SNCAIP: variants seen among roughly 807,000 people sequenced by gnomAD.
The protein encoded by SNCAIP is synphilin-1.
SNCAIP carries 43 observed loss-of-function variants against 86.7 expected under a neutral mutation model. That is an observed-to-expected ratio of 0.50 (90% CI 0.39 to 0.64). The LOEUF (loss-of-function observed/expected upper bound fraction) is 0.64, where lower values mean the gene tolerates loss of function less well. Among genes scored for constraint, SNCAIP ranks in the 30% least tolerant of loss-of-function variants. The probability of loss-of-function intolerance (pLI) is 0.00; values close to 1 mark genes in which losing one functional copy is unlikely to be tolerated. For synonymous variants in SNCAIP, 417 were observed against 427.2 expected, an observed-to-expected ratio of 0.98 and a Z score of 0.29; for missense variants, 981 against 1,103.1, an observed-to-expected ratio of 0.89 and a Z score of 1.57.
intron 3 of SNCAIP, among the ~76,000 whole-genome samples, chr5:122,411,539 A>G (rs3811909): frequency 0.29 from 43,364 of 151,792 alleles, 7,167 homozygotes; most frequent in East Asian, 0.45. Flanking sequence ...TTTTATCCAC[A>G]TATCTCCTTT....
chr5:122,385,100 G>T (rs951806643), intron 1 of SNCAIP, among the ~76,000 whole-genome samples: 1 of 152,096 alleles, frequency 6.6e-6, no homozygotes, highest in Non-Finnish European at 1.5e-5. Context: ...GCTGACTTCT[G>T]TTATCTCCAA....
intron 1 of SNCAIP, among the ~76,000 whole-genome samples, chr5:122,387,290 C>T (rs1338990968): frequency 6.6e-6 from 1 of 152,016 alleles, no homozygotes; most frequent in African/African-American, 2.4e-5. Flanking sequence ...TCCCGAATAG[C>T]TGGGACTACA....
At chr5:122,415,175 G>C (rs547643176) in intron 3 of SNCAIP, among the ~76,000 whole-genome samples, 1 of 152,198 alleles carries the variant, frequency 6.6e-6, no homozygotes, top group African/African-American at 2.4e-5. Flanking sequence ...ACTTTCCGCT[G>C]TTCCTCCCAC....
At chr5:122,458,072 A>G (rs1785209280) in intron 10 of SNCAIP, among the ~76,000 whole-genome samples, 1 of 152,216 alleles carries the variant, frequency 6.6e-6, no homozygotes, top group South Asian at 2.1e-4. Flanking sequence ...AGCAGATTGC[A>G]CCACAAGAAG....
At chr5:122,455,340 G>A (rs1010955253) in intron 10 of SNCAIP, among the ~76,000 whole-genome samples, 1 of 152,158 alleles carries the variant, frequency 6.6e-6, no homozygotes, top group Non-Finnish European at 1.5e-5. Flanking sequence ...GACTAGAGTG[G>A]GAATGTGGGC....
At chr5:122,340,062 A>G (rs2152718550) in intron 1 of SNCAIP, among the ~76,000 whole-genome samples, 1 of 152,336 alleles carries the variant, frequency 6.6e-6, no homozygotes, top group Non-Finnish European at 1.5e-5. Context: ...ACAATATGTT[A>G]TAGTCATCAG....
chr5:122,387,920 T>G (rs1418177755), intron 1 of SNCAIP, among the ~76,000 whole-genome samples: 1 of 152,218 alleles, frequency 6.6e-6, no homozygotes, highest in Non-Finnish European at 1.5e-5. Context: ...GAATACAAAT[T>G]AAATCTTAGA....
chr5:122,439,831 C>A (rs1373998119), intron 6 of SNCAIP, among the ~76,000 whole-genome samples: 1 of 152,122 alleles, frequency 6.6e-6, no homozygotes, highest in African/African-American at 2.4e-5. Context: ...GAAATCCCAT[C>A]CCCCTGCTTT....
chr5:122,436,213 A>T (rs962705905), intron 6 of SNCAIP, among the ~76,000 whole-genome samples: 10 of 148,710 alleles, frequency 6.7e-5, no homozygotes, highest in East Asian at 1.9e-4. Context: ...TTTTTTTTTA[A>T]AAAGAGAGAA....
chr5:122,320,474 G>A (rs1752691608), intron 1 of SNCAIP, among the ~76,000 whole-genome samples: 1 of 152,200 alleles, frequency 6.6e-6, no homozygotes, highest in South Asian at 2.1e-4. Flanking sequence ...ATCTAGCTAG[G>A]AAGGGGGCTA....
At chr5:122,458,262 C>A (rs1188440397) in intron 10 of SNCAIP, among the ~76,000 whole-genome samples, 2 of 152,130 alleles carry the variant, frequency 1.3e-5, no homozygotes. Flanking sequence ...CCTTGGACAC[C>A]AAAATCTTCC....
intron 9 of SNCAIP, 134 bp downstream of exon 9, chr5:122,450,071 A>G (rs970920985): frequency 1.3e-5 from 9 of 694,104 alleles, no homozygotes; most frequent in Non-Finnish European, 2.0e-5. Flanking sequence ...AATAAAAATG[A>G]GAAATCACAG....
intron 2 of SNCAIP, among the ~76,000 whole-genome samples, chr5:122,394,632 CCTATGTCTTA>C (rs1180837259): frequency 6.6e-6 from 1 of 152,122 alleles, no homozygotes. Flanking sequence ...AAGCCAGATC[CCTATGTCTTA>C]AAAACAAAAA....
At chr5:122,382,264 C>G (rs1394167337) in intron 1 of SNCAIP, among the ~76,000 whole-genome samples, 1 of 152,076 alleles carries the variant, frequency 6.6e-6, no homozygotes, top group East Asian at 1.9e-4. Context: ...TTTCTCTAAA[C>G]TTCCCTTCTC....
intron 1 of SNCAIP, among the ~76,000 whole-genome samples, chr5:122,369,524 A>G (rs1452766543): frequency 6.6e-6 from 1 of 152,256 alleles, no homozygotes; most frequent in Non-Finnish European, 1.5e-5. Flanking sequence ...TTTGGAAAAC[A>G]GCCTGGCCCA....
intron 7 of SNCAIP, among the ~76,000 whole-genome samples, chr5:122,441,737 C>T (rs1240289310): frequency 6.6e-6 from 1 of 152,040 alleles, no homozygotes; most frequent in Non-Finnish European, 1.5e-5. Flanking sequence ...ATGTCGAATG[C>T]CCTCAGTGAC....
At chr5:122,432,566 CA>C (rs1444216227) in intron 6 of SNCAIP, among the ~76,000 whole-genome samples, 1 of 151,846 alleles carries the variant, frequency 6.6e-6, no homozygotes, top group Non-Finnish European at 1.5e-5. Context: ...TAACATTTAT[CA>C]AAAGGAACAA....
At chr5:122,400,972 T>C in intron 2 of SNCAIP, 1 of 1,540,378 alleles carries the variant, frequency 6.5e-7, no homozygotes, top group Non-Finnish European at 8.7e-7. Flanking sequence ...CCCTCTTCAC[T>C]CTTCTCACCC....
intron 3 of SNCAIP, among the ~76,000 whole-genome samples, chr5:122,408,504 A>G (rs2152888842): frequency 6.6e-6 from 1 of 152,290 alleles, no homozygotes; most frequent in Middle Eastern, 3.4e-3. Context: ...AATGCCCACA[A>G]ATCCTCCTTA....
Sources: allele counts gnomAD v4.1 joint callset (sites outside exome capture counted in the v4.1 genomes callset), GRCh38; gene constraint gnomAD v4.1.1; transcripts MANE v1.5; gene names NCBI Gene and HGNC (gene_info 2026-07-23, HGNC 2026-07-21).